The following KLHL29 variants were observed in gnomAD, a reference collection of about 807,000 sequenced individuals.
KLHL29 encodes kelch-like protein 29.
In KLHL29, 21 loss-of-function variants were observed where a neutral mutation model predicts 80.4. That is an observed-to-expected ratio of 0.26 (90% CI 0.19 to 0.38). KLHL29 has a LOEUF of 0.38. KLHL29 is among the 10% of genes least tolerant of loss of function. The probability of loss-of-function intolerance (pLI) is 1.00; values close to 1 mark genes in which losing one functional copy is unlikely to be tolerated. For synonymous variants in KLHL29, 511 were observed against 526.8 expected (o/e 0.97, Z 0.41); for missense variants, 867 against 1,223.9 (o/e 0.71, Z 4.35).
At chr2:23,549,576 C>T (rs1473887431) in intron 2 of KLHL29, among the ~76,000 whole-genome samples, 1 of 152,130 alleles carries the variant, frequency 6.6e-6, no homozygotes, top group Non-Finnish European at 1.5e-5. Flanking sequence ...ACAAAGAAGG[C>T]TGTGCGGTTG....
At chr2:23,603,779 A>G (rs1668633332) in intron 3 of KLHL29, among the ~76,000 whole-genome samples, 1 of 152,266 alleles carries the variant, frequency 6.6e-6, no homozygotes, top group South Asian at 2.1e-4. Flanking sequence ...ATTCCATCAG[A>G]GGCCCTGGTG....
chr2:23,411,880 G>A (rs1317892545), intron 1 of KLHL29, among the ~76,000 whole-genome samples: 1 of 152,080 alleles, frequency 6.6e-6, no homozygotes, highest in African/African-American at 2.4e-5. Flanking sequence ...CTCTCTGGAG[G>A]AGCCAGAATT....
chr2:23,602,435 G>A (rs1373448219), intron 3 of KLHL29, among the ~76,000 whole-genome samples: 1 of 152,066 alleles, frequency 6.6e-6, no homozygotes, highest in African/African-American at 2.4e-5. Flanking sequence ...GAGTCAACAC[G>A]TCCATCCCTA....
intron 1 of KLHL29, among the ~76,000 whole-genome samples, chr2:23,408,557 C>T (rs1666789074): frequency 6.6e-6 from 1 of 152,024 alleles, no homozygotes; most frequent in Non-Finnish European, 1.5e-5. Context: ...AGAGTGAGAT[C>T]GTTCTGTCCC....
At chr2:23,482,614 C>T (rs1231659219) in intron 2 of KLHL29, among the ~76,000 whole-genome samples, 1 of 152,264 alleles carries the variant, frequency 6.6e-6, no homozygotes, top group African/African-American at 2.4e-5. Flanking sequence ...TGATGGACTT[C>T]TCTCCTGTAG....
chr2:23,554,793 T>C (rs983793024), intron 2 of KLHL29, among the ~76,000 whole-genome samples: 2 of 152,060 alleles, frequency 1.3e-5, no homozygotes, highest in African/African-American at 4.8e-5. Flanking sequence ...GACTCTTAAT[T>C]ATTTACTCAT....
intron 3 of KLHL29, among the ~76,000 whole-genome samples, chr2:23,571,525 C>T (rs531092363): frequency 2.6e-5 from 4 of 152,268 alleles, no homozygotes; most frequent in South Asian, 4.1e-4. Flanking sequence ...GCATGGTGAT[C>T]GTGCTCCCCT....
At chr2:23,397,248 G>C (rs1666473985) in intron 1 of KLHL29, among the ~76,000 whole-genome samples, 1 of 152,208 alleles carries the variant, frequency 6.6e-6, no homozygotes, top group African/African-American at 2.4e-5. Flanking sequence ...TTCTAGATGA[G>C]GGCTGTAGTG....
intron 3 of KLHL29, among the ~76,000 whole-genome samples, chr2:23,605,107 C>CCTT (rs1668671812): frequency 1.1e-5 from 1 of 92,478 alleles, no homozygotes; most frequent in Non-Finnish European, 2.0e-5. Flanking sequence ...TCCTTTGTTG[C>CCTT]TTTTTTTTTT....
At chr2:23,631,088 C>T (rs1207921958) in intron 3 of KLHL29, among the ~76,000 whole-genome samples, 3 of 152,196 alleles carry the variant, frequency 2.0e-5, no homozygotes, top group African/African-American at 7.2e-5. Flanking sequence ...AGGGCAAGGA[C>T]AGGGCCAGGC....
At chr2:23,703,611 T>G in intron 12 of KLHL29, 108 bp from the exon 13 acceptor site, 1 of 1,330,422 alleles carries the variant, frequency 7.5e-7, no homozygotes. Context: ...ATCAGTCACT[T>G]GTTGGAAGTC....
At chr2:23,435,307 C>T (rs1257771808) in intron 1 of KLHL29, among the ~76,000 whole-genome samples, 8 of 152,076 alleles carry the variant, frequency 5.3e-5, no homozygotes, top group Admixed American at 2.6e-4. Flanking sequence ...TACAGGGAGC[C>T]GTCTGGGGAC....
chr2:23,539,975 C>G (rs925181270), intron 2 of KLHL29, among the ~76,000 whole-genome samples: 2 of 152,176 alleles, frequency 1.3e-5, no homozygotes, highest in Non-Finnish European at 2.9e-5. Flanking sequence ...CCTCTGTAAT[C>G]CTCATTTCAG....
chr2:23,437,959 A>G (rs1663394218), intron 1 of KLHL29, among the ~76,000 whole-genome samples: 1 of 137,222 alleles, frequency 7.3e-6, no homozygotes, highest in African/African-American at 2.5e-5. Flanking sequence ...ATGTTCTTCC[A>G]TTTGTTTGTA....
intron 2 of KLHL29, among the ~76,000 whole-genome samples, chr2:23,536,348 A>T (rs1026588891): frequency 1.6e-4 from 25 of 152,214 alleles, no homozygotes; most frequent in Non-Finnish European, 3.1e-4. Context: ...AAATTAGAGT[A>T]CGCTGTGTGG....
intron 3 of KLHL29, among the ~76,000 whole-genome samples, chr2:23,628,263 A>T (rs1669372191): frequency 6.6e-6 from 1 of 152,170 alleles, no homozygotes; most frequent in Admixed American, 6.5e-5. Flanking sequence ...AAGGTCACAA[A>T]GGGAGTCGCA....
At chr2:23,594,663 C>A (rs1235850076) in intron 3 of KLHL29, among the ~76,000 whole-genome samples, 2 of 152,200 alleles carry the variant, frequency 1.3e-5, no homozygotes, top group African/African-American at 4.8e-5. Context: ...AGCCTCCAGG[C>A]TCCACAAAGC....
chr2:23,660,472 A>C (rs1670373894), intron 5 of KLHL29, among the ~76,000 whole-genome samples: 1 of 152,216 alleles, frequency 6.6e-6, no homozygotes, highest in South Asian at 2.1e-4. Context: ...CCACATGAGG[A>C]GCTGCCAAAA....
At position 23,615,871 on chromosome 2, in the gene KLHL29, A is replaced by G. The variant is rs553658297; in HGVS notation, c.286-23268A>G. 2.9e-3 allele frequency among the ~76,000 whole-genome samples: 438 copies of G among 152,262 alleles called. 1 individual carries two copies. The highest frequency in any genetic ancestry group is 6.2e-3 in the South Asian group (30 of 4,814). On this transcript the variant is annotated intron_variant, in intron 3 of 13. Coordinates refer to ENST00000486442, the MANE Select transcript of KLHL29 (RefSeq NM_052920.2). ...GTCGCTGTTCCTTTCTCATCAGCAC[A>G]GCCAGTGCCTATGTCTGTCCCCTGT...
Sources: gnomAD v4.1 joint callset for allele counts (sites outside exome capture counted in the v4.1 genomes callset) on GRCh38, gnomAD v4.1.1 for gene constraint, MANE v1.5 for transcripts, NCBI Gene and HGNC (gene_info 2026-07-23, HGNC 2026-07-21) for gene names.